The following ROBO2 variants were observed in gnomAD, a reference collection of about 807,000 sequenced individuals.
The protein encoded by ROBO2 is roundabout guidance receptor 2, also known as roundabout homolog 2.
Under a neutral mutation model 160.8 loss-of-function variants are expected in ROBO2, and 53 were observed. The ratio of observed to expected loss-of-function variants is 0.33; its 90% confidence interval spans 0.26 to 0.41. ROBO2 has a LOEUF of 0.41. Ranked by LOEUF, ROBO2 falls within the 10% of genes least tolerant of loss-of-function variation. The pLI, the probability that ROBO2 is intolerant of heterozygous loss-of-function variation, is 1.00. For synonymous variants in ROBO2, 664 were observed against 611.7 expected (o/e 1.09, Z -1.26); for missense variants, 1,577 against 1,722.4 (o/e 0.92, Z 1.49).
At position 76,340,225 on chromosome 3, in the gene ROBO2, A is replaced by G. The variant is rs1232837201; in HGVS notation, c.109+402623A>G. On this transcript the variant is annotated intron_variant, in intron 2 of 26. Coordinates refer to the ROBO2 transcript ENST00000487694. ...AAAAATACAAAGATGAGTTAAAAGC[A>G]ATTGCATATTATTCTAACAAAAAAA... Among the ~76,000 whole-genome samples, 4 of 152,180 alleles carry G rather than the reference A, an allele frequency of 2.6e-5. No homozygotes were observed. In the East Asian group the frequency reaches 7.7e-4, roughly 29 times the overall value.
chr3:76,250,175 C>G (rs1705900759), intron 2 of ROBO2, among the ~76,000 whole-genome samples: 1 of 151,936 alleles, frequency 6.6e-6, no homozygotes, highest in Admixed American at 6.6e-5. Context: ...AACAAGCAAA[C>G]AGAAAAGAAA....
At chr3:77,206,063 G>C (rs941483299) in intron 2 of ROBO2, among the ~76,000 whole-genome samples, 11 of 151,932 alleles carry the variant, frequency 7.2e-5, no homozygotes, top group Non-Finnish European at 1.2e-4. Context: ...TCCTTGGTTG[G>C]GCTGCGTAAC....
At chr3:77,278,995 T>A (rs1410531926) in intron 2 of ROBO2, among the ~76,000 whole-genome samples, 1 of 152,116 alleles carries the variant, frequency 6.6e-6, no homozygotes, top group African/African-American at 2.4e-5. Context: ...TTCATTTTAC[T>A]GAAGAGGAGA....
At chr3:77,329,018 A>C (rs1019122995) in intron 2 of ROBO2, among the ~76,000 whole-genome samples, 2 of 152,204 alleles carry the variant, frequency 1.3e-5, no homozygotes, top group Non-Finnish European at 2.9e-5. Flanking sequence ...AAACTCAGTG[A>C]ACTTCCCTGT....
chr3:76,954,579 G>A (rs1332517135), intron 2 of ROBO2, among the ~76,000 whole-genome samples: 2 of 152,130 alleles, frequency 1.3e-5, no homozygotes, highest in African/African-American at 4.8e-5. Context: ...TTAAAATGAT[G>A]TCTCAGCATA....
chr3:77,277,465 A>T (rs1463905560), intron 2 of ROBO2, among the ~76,000 whole-genome samples: 1 of 151,636 alleles, frequency 6.6e-6, no homozygotes, highest in African/African-American at 2.4e-5. Flanking sequence ...CACCCTCCCA[A>T]CTACAGGCCC....
chr3:76,488,833 T>A (rs1272891710), intron 2 of ROBO2, among the ~76,000 whole-genome samples: 1 of 152,112 alleles, frequency 6.6e-6, no homozygotes, highest in Admixed American at 6.6e-5. Context: ...ATCACCTACA[T>A]TCAAAGTTAG....
intron 2 of ROBO2, among the ~76,000 whole-genome samples, chr3:76,110,863 T>C (rs1467021315): frequency 6.6e-6 from 1 of 152,160 alleles, no homozygotes; most frequent in Admixed American, 6.6e-5. Context: ...AAAAATACTG[T>C]GCTTAAATCT....
Position 77,021,963 on chromosome 3 carries a change from G to A in ROBO2, c.110-76051G>A, listed in dbSNP as rs1034044502. Reference sequence around the variant, plus strand: ...TTTATTTAAAAACTACCCAGAGGCCGGGTGTAGTGGCTCATACCTATAATC... The same window carrying A: ...TTTATTTAAAAACTACCCAGAGGCCAGGTGTAGTGGCTCATACCTATAATC... On this transcript the variant is annotated intron_variant, in intron 2 of 26. Transcript: ENST00000487694. Among the ~76,000 whole-genome samples, 3 of 152,152 alleles carry A rather than the reference G, an allele frequency of 2.0e-5. 1 individual carries two copies. The highest frequency in any genetic ancestry group is 4.1e-4 in the South Asian group (2 of 4,830).
chr3:76,634,504 G>T (rs1464636810), intron 2 of ROBO2, among the ~76,000 whole-genome samples: 1 of 151,796 alleles, frequency 6.6e-6, no homozygotes, highest in African/African-American at 2.4e-5. Context: ...GGAGGCAGGG[G>T]TTGCAGTGAG....
chr3:77,613,548 G>A (rs538015201), intron 21 of ROBO2, among the ~76,000 whole-genome samples: 1 of 152,176 alleles, frequency 6.6e-6, no homozygotes, highest in East Asian at 1.9e-4. Context: ...CTTTTGATTA[G>A]CCTCCTCTTA....
chr3:76,178,042 A>AT, intron 2 of ROBO2, among the ~76,000 whole-genome samples: 1 of 152,318 alleles, frequency 6.6e-6, no homozygotes, highest in South Asian at 2.1e-4. Context: ...GGAATGTGAT[A>AT]TTCAGAGAAA....
intron 2 of ROBO2, among the ~76,000 whole-genome samples, chr3:76,497,951 A>G (rs1052416650): frequency 6.6e-5 from 10 of 152,118 alleles, no homozygotes; most frequent in South Asian, 2.1e-4. Flanking sequence ...ACATAAGCCA[A>G]TGCTTCTTCC....
At chr3:76,000,988 A>G (rs2065870580) in intron 2 of ROBO2, among the ~76,000 whole-genome samples, 2 of 151,832 alleles carry the variant, frequency 1.3e-5, no homozygotes, top group Non-Finnish European at 2.9e-5. Context: ...ATTTCACTCT[A>G]TTTTTACTTC....
At chr3:77,037,667 C>G (rs969517733), upstream of ROBO2, among the ~76,000 whole-genome samples, 4 of 152,154 alleles carry the variant, frequency 2.6e-5, no homozygotes, top group South Asian at 4.1e-4. Flanking sequence ...CACACACACT[C>G]TTTCTGCCTC....
At position 76,540,723 on chromosome 3, in the gene ROBO2, T is replaced by C. The variant is rs568015462; in HGVS notation, c.110-557291T>C. On this transcript the variant is annotated intron_variant, in intron 2 of 26. Transcript: ENST00000487694. Reference sequence around the variant, plus strand: ...TTGAAATTCACAAACAAAGGACCATTGGCCTTGACATAAGAAATAGAAAAA... The same window carrying C: ...TTGAAATTCACAAACAAAGGACCATCGGCCTTGACATAAGAAATAGAAAAA... 2.0e-5 allele frequency among the ~76,000 whole-genome samples: 3 copies of C among 152,324 alleles called. No homozygotes were observed. In the South Asian group the frequency reaches 6.2e-4, roughly 32 times the overall value.
At chr3:77,549,051 A>G (rs541255642) in intron 7 of ROBO2, among the ~76,000 whole-genome samples, 2 of 152,084 alleles carry the variant, frequency 1.3e-5, no homozygotes, top group African/African-American at 4.8e-5. Flanking sequence ...AATTAGCTCT[A>G]ATAGGATACC....
intron 2 of ROBO2, among the ~76,000 whole-genome samples, chr3:76,239,563 C>A (rs1705165846): frequency 6.6e-6 from 1 of 152,042 alleles, no homozygotes; most frequent in Admixed American, 6.6e-5. Flanking sequence ...TTCTCTTGAC[C>A]TTGGGCACAT....
chr3:76,257,943 G>A (rs1021227312), intron 2 of ROBO2, among the ~76,000 whole-genome samples: 3 of 152,068 alleles, frequency 2.0e-5, no homozygotes, highest in Non-Finnish European at 4.4e-5. Flanking sequence ...AGACAAAAAC[G>A]CTTCACATAT....
Sources: allele counts gnomAD v4.1 joint callset (sites outside exome capture counted in the v4.1 genomes callset), GRCh38; gene constraint gnomAD v4.1.1; transcripts MANE v1.5; gene names NCBI Gene and HGNC (gene_info 2026-07-23, HGNC 2026-07-21).